KIFC3: variants seen among roughly 807,000 people sequenced by gnomAD.
The protein encoded by KIFC3 is kinesin family member C3.
In KIFC3, 60 loss-of-function variants were observed where a neutral mutation model predicts 101.8. The observed-to-expected ratio is 0.59, with a 90% CI of 0.48 to 0.73. The LOEUF (loss-of-function observed/expected upper bound fraction) is 0.73. Among genes scored for constraint, KIFC3 ranks in the 30% least tolerant of loss-of-function variants. KIFC3 has a pLI of 0.00. For synonymous variants in KIFC3, 476 were observed against 482.7 expected, an observed-to-expected ratio of 0.99 and a Z score of 0.18; for missense variants, 966 against 1,137.1, an observed-to-expected ratio of 0.85 and a Z score of 2.16.
chr16:57,810,134 C>T (rs2055034383), intron 1 of KIFC3, among the ~76,000 whole-genome samples: 2 of 152,174 alleles, frequency 1.3e-5, no homozygotes, highest in Non-Finnish European at 1.5e-5. Context: ...GATTCCTGCT[C>T]TCACACCCTG....
At chr16:57,770,065 C>T in intron 7 of KIFC3, 110 bp from the exon 8 acceptor site, 15 of 1,323,596 alleles carry the variant, frequency 1.1e-5, no homozygotes, top group Middle Eastern at 3.9e-4. Context: ...CACACATGCA[C>T]ACACACATGT....
At chr16:57,765,228 G>T (rs1427947413) in intron 11 of KIFC3, among the ~76,000 whole-genome samples, 7 of 152,216 alleles carry the variant, frequency 4.6e-5, no homozygotes, top group Admixed American at 3.9e-4. Flanking sequence ...GCCATGGGAG[G>T]GGATGGGCTG....
In KIFC3 at chr16:57,798,257, G is replaced by C; in HGVS notation, c.-14C>G. 1.9e-6 allele frequency: 3 copies of C among 1,551,814 alleles called. No homozygotes were observed. The highest frequency in any genetic ancestry group is 2.6e-6 in the Non-Finnish European group (3 of 1,148,570). On this transcript the variant is annotated 5_prime_UTR_variant, in exon 2 of 20. Transcript: ENST00000445690. ...AGAGGGGACCATGGCCTGGGGCTCA[G>C]CAGCCTCCTCGGGGCACCAGGCAGC...
chr16:57,858,868 T>C lies in KIFC3; in HGVS notation c.108+3861A>G, dbSNP rs534550356. On this transcript the variant is annotated intron_variant, in intron 1 of 2. Coordinates refer to the KIFC3 transcript ENST00000563028. ...CGGAGGCTGAGGCACGAGAATAGCTTGAACTGGGGAAATCAATGCCGCAGT... is the reference window on the plus strand; with the variant it reads ...CGGAGGCTGAGGCACGAGAATAGCTCGAACTGGGGAAATCAATGCCGCAGT... Among the ~76,000 whole-genome samples, 4 of 152,238 alleles carry C rather than the reference T, an allele frequency of 2.6e-5. No individual in the cohort carries two copies. The South Asian group carries it at 8.3e-4, about 32-fold the overall frequency.
intron 3 of KIFC3, among the ~76,000 whole-genome samples, chr16:57,777,547 C>T (rs1053829985): frequency 6.6e-6 from 1 of 152,060 alleles, no homozygotes; most frequent in Admixed American, 6.6e-5. Context: ...GTGACGAAAC[C>T]CCATCTCTAC....
chr16:57,846,254 T>C (rs1274897654), intron 1 of KIFC3: 1 of 152,260 alleles, frequency 6.6e-6, no homozygotes, highest in Non-Finnish European at 1.5e-5. Context: ...CTGGGTCCTT[T>C]GCTGCCCAGA....
At chr16:57,861,889 C>A (rs550736289) in intron 1 of KIFC3, among the ~76,000 whole-genome samples, 86 of 152,250 alleles carry the variant, frequency 5.6e-4, no homozygotes, top group African/African-American at 2.0e-3. Flanking sequence ...GCGGAGTTTG[C>A]AGTGAGCCAA....
rs187162715 is a variant in KIFC3 at position 57,775,468 on chromosome 16, C to T, written c.316-3180G>A. ...GGGAAGATGTCTGCTTTCTCCTGCA[C>T]TTGAAGGCAGGCAATCTCTCAGAGT... On this transcript the variant is annotated intron_variant, in intron 3 of 19. Coordinates refer to ENST00000445690, the MANE Select transcript of KIFC3 (RefSeq NM_001130100.2). 9.6e-5 allele frequency: 96 copies of T among 996,948 alleles called. No individual in the cohort carries two copies. In the Admixed American group the frequency reaches 1.2e-3, roughly 13 times the overall value. The allele number at this position is 996,948 out of a possible 1,614,324, so 61.8% of individuals were successfully genotyped here.
intron 1 of KIFC3, among the ~76,000 whole-genome samples, chr16:57,833,458 G>A (rs1324498747): frequency 6.6e-6 from 1 of 152,148 alleles, no homozygotes; most frequent in Non-Finnish European, 1.5e-5. Flanking sequence ...CCACAGGAAT[G>A]AGCCCTGCAC....
At chr16:57,768,440 T>G (rs2050735101) in intron 9 of KIFC3, among the ~76,000 whole-genome samples, 1 of 151,996 alleles carries the variant, frequency 6.6e-6, no homozygotes, top group African/African-American at 2.4e-5. Context: ...TTCAACTATT[T>G]TTGATCTGTG....
In KIFC3 at chr16:57,780,532, T is replaced by C. The variant is rs117978298; in HGVS notation, c.316-8244A>G. On this transcript the variant is annotated intron_variant, in intron 3 of 19. Transcript: ENST00000445690. ...TCTCAAGAAAAAAAATATATATATA[T>C]GCTTAAGATGGTAAATTTTATGTTA... 4.6e-4 allele frequency among the ~76,000 whole-genome samples: 68 copies of C among 147,668 alleles called. 3 individuals carry two copies. The East Asian group carries it at 0.014, about 30-fold the overall frequency.
At chr16:57,765,794 C>T (rs1306477525) in intron 10 of KIFC3, 154 bp from the exon 11 acceptor site, 2 of 634,866 alleles carry the variant, frequency 3.2e-6, no homozygotes, top group Non-Finnish European at 5.4e-6. Flanking sequence ...AAGCTGTTAT[C>T]CGTCATTCAC....
chr16:57,761,324 C>A, intron 14 of KIFC3, 89 bp downstream of exon 14: 2 of 1,579,146 alleles, frequency 1.3e-6, no homozygotes, highest in Non-Finnish European at 8.6e-7. Context: ...CCCAAGGGTG[C>A]GTGCTTAGGA....
At chr16:57,789,054 G>A (rs1025024155) in intron 3 of KIFC3, among the ~76,000 whole-genome samples, 7 of 152,206 alleles carry the variant, frequency 4.6e-5, no homozygotes, top group Admixed American at 3.3e-4. Flanking sequence ...CTTGCTTCCG[G>A]TGCGCACACC....
chr16:57,769,932 C>T lies in KIFC3; in HGVS notation c.963G>A (p.Leu321=). 6.2e-7 allele frequency: 1 copy of T among 1,613,370 alleles called. No individual in the cohort carries two copies. The highest frequency in any genetic ancestry group is 8.5e-7 in the Non-Finnish European group (1 of 1,180,034). ...RAQIAMYESE[L]ERAHGQMLEE... The stretch of plus-strand genomic sequence containing the variant: ...CCAGCATCTGCCCATGGGCCCGCTC[C>T]AGCTCTGACTCGTACATGGCAATCT... The change falls in exon 8 of 20, where the codon CTG becomes CTA. Residue 321 remains leucine, a synonymous_variant. Transcript: ENST00000445690. The surrounding 1 kb of genome is among the most constrained non-coding windows in gnomAD (Gnocchi z 4.3).
chr16:57,858,173 T>C (rs35433436), intron 1 of KIFC3, among the ~76,000 whole-genome samples: 28,227 of 152,034 alleles, frequency 0.19, 2,967 homozygotes, highest in African/African-American at 0.28. Flanking sequence ...TCCAAGTCTT[T>C]GCTACTATGA....
intron 1 of KIFC3, among the ~76,000 whole-genome samples, chr16:57,831,051 C>T (rs187409017): frequency 7.2e-5 from 11 of 152,310 alleles, no homozygotes; most frequent in South Asian, 2.1e-4. Context: ...TGGTGACTTA[C>T]GCCACACTTG....
chr16:57,783,807 T>C (rs2053024649), intron 3 of KIFC3, among the ~76,000 whole-genome samples: 1 of 152,080 alleles, frequency 6.6e-6, no homozygotes. Flanking sequence ...ATTTGCAAAA[T>C]GAAGTGTCTG....
upstream of KIFC3, among the ~76,000 whole-genome samples, chr16:57,805,106 C>T (rs2054905033): frequency 6.6e-6 from 1 of 152,046 alleles, no homozygotes; most frequent in Admixed American, 6.6e-5. Context: ...GTTGGGATTG[C>T]AGGCATGAGC....
Sources: allele counts gnomAD v4.1 joint callset (sites outside exome capture counted in the v4.1 genomes callset), GRCh38; gene constraint gnomAD v4.1.1; non-coding constraint Gnocchi (gnomAD v3.1); transcripts MANE v1.5; gene names NCBI Gene and HGNC (gene_info 2026-07-23, HGNC 2026-07-21).